Variants in CNTNAP5 observed in about 807,000 individuals in gnomAD.
The protein encoded by CNTNAP5 is contactin-associated protein-like 5.
CNTNAP5 carries 72 observed loss-of-function variants against 150.2 expected under a neutral mutation model. The ratio of observed to expected loss-of-function variants is 0.48; its 90% CI spans 0.40 to 0.58. The LOEUF (loss-of-function observed/expected upper bound fraction) is 0.58, where lower values mean the gene tolerates loss of function less well. Ranked by LOEUF, CNTNAP5 falls within the 20% of genes least tolerant of loss-of-function variation. The probability of loss-of-function intolerance (pLI) is 0.00; values close to 1 mark genes in which losing one functional copy is unlikely to be tolerated. For synonymous variants in CNTNAP5, 672 were observed against 619.8 expected, an observed-to-expected ratio of 1.08 and a Z score of -1.25; for missense variants, 1,636 against 1,626.2, an observed-to-expected ratio of 1.01 and a Z score of -0.10.
At chr2:124,223,918 C>T (rs944773580) in intron 2 of CNTNAP5, among the ~76,000 whole-genome samples, 1 of 151,340 alleles carries the variant, frequency 6.6e-6, no homozygotes, top group Admixed American at 6.6e-5. Context: ...GTGCATATTC[C>T]AAGACTCCCA....
chr2:124,276,491 A>G (rs1206068805), intron 3 of CNTNAP5, among the ~76,000 whole-genome samples: 4 of 152,190 alleles, frequency 2.6e-5, no homozygotes, highest in Non-Finnish European at 5.9e-5. Context: ...ACATGCACCT[A>G]GTAGATTTCA....
intron 1 of CNTNAP5, among the ~76,000 whole-genome samples, chr2:124,057,448 ATT>A (rs556571236): frequency 0.062 from 3,861 of 62,724 alleles, 277 homozygotes; most frequent in Middle Eastern, 0.085. Context: ...CGGCCAGCTA[ATT>A]TTTTTTTTTT....
chr2:124,878,251 C>G (rs923897871), intron 21 of CNTNAP5, among the ~76,000 whole-genome samples: 43 of 152,112 alleles, frequency 2.8e-4, no homozygotes, highest in African/African-American at 1.0e-3. Context: ...GCTTTGGAAT[C>G]AGCTCTGGGT....
chr2:124,795,456 T>C (rs72847364), intron 18 of CNTNAP5, among the ~76,000 whole-genome samples: 18,575 of 152,192 alleles, frequency 0.12, 1,323 homozygotes, highest in Non-Finnish European at 0.16. Context: ...CGCTAACACA[T>C]CAAGCCCAAG....
intron 7 of CNTNAP5, among the ~76,000 whole-genome samples, chr2:124,482,722 G>T (rs902448089): frequency 1.3e-5 from 2 of 152,136 alleles, no homozygotes; most frequent in East Asian, 3.9e-4. Flanking sequence ...GCAGAGTGTG[G>T]AATCCCACTG....
rs1431129384 is a variant in CNTNAP5, at chr2:124,148,533, ATATATACATAT to A, written c.83-73165_83-73155del. Among the ~76,000 whole-genome samples the A allele has an allele frequency of 9.4e-4, 138 of 146,928 alleles. 5 individuals are homozygous for A. The East Asian group carries it at 0.026, about 27-fold the overall frequency. On this transcript the variant is annotated intron_variant, in intron 1 of 23. Transcript: ENST00000682447. ...TATATATATAATATATACATATTATATATATACATATTATATATAATATGTATATATATAAT... is the reference window on the plus strand; with the variant it reads ...TATATATATAATATATACATATTATATATATATAATATGTATATATATAAT...
intron 6 of CNTNAP5, among the ~76,000 whole-genome samples, chr2:124,452,275 C>T (rs1693001979): frequency 1.3e-5 from 2 of 151,958 alleles, no homozygotes; most frequent in African/African-American, 4.8e-5. Flanking sequence ...GCCCGCTTTG[C>T]CCACTTCCCT....
At chr2:124,570,633 T>C (rs1013206593) in intron 11 of CNTNAP5, among the ~76,000 whole-genome samples, 2 of 152,264 alleles carry the variant, frequency 1.3e-5, no homozygotes, top group African/African-American at 2.4e-5. Flanking sequence ...GTAATGGTGA[T>C]GGTGCTTTGG....
chr2:124,223,161 A>G (rs1456543785), intron 2 of CNTNAP5, among the ~76,000 whole-genome samples: 1 of 152,150 alleles, frequency 6.6e-6, no homozygotes, highest in East Asian at 1.9e-4. Context: ...CAGAAAAACT[A>G]GTCTGGGGAA....
At chr2:124,660,021 AAGG>A (rs1481171558) in intron 13 of CNTNAP5, among the ~76,000 whole-genome samples, 1 of 100,272 alleles carries the variant, frequency 1.0e-5, no homozygotes, top group South Asian at 3.3e-4. Flanking sequence ...AAAAGGAAGA[AAGG>A]AGGAAGGAAG....
At chr2:124,846,585 C>T (rs943165456) in intron 19 of CNTNAP5, among the ~76,000 whole-genome samples, 1 of 152,004 alleles carries the variant, frequency 6.6e-6, no homozygotes, top group Non-Finnish European at 1.5e-5. Context: ...TCAGAGATTC[C>T]CTCTTGGTTT....
intron 1 of CNTNAP5, among the ~76,000 whole-genome samples, chr2:124,191,782 G>T (rs1325319487): frequency 1.3e-5 from 2 of 152,050 alleles, no homozygotes; most frequent in African/African-American, 4.8e-5. Context: ...GGGCATGGTG[G>T]CTCACGCCTG....
intron 1 of CNTNAP5, among the ~76,000 whole-genome samples, chr2:124,214,498 C>G (rs966138467): frequency 5.9e-5 from 9 of 152,218 alleles, no homozygotes; most frequent in African/African-American, 1.9e-4. Flanking sequence ...CTCTGCAAAG[C>G]CTGACAGAAA....
At position 124,290,592 on chromosome 2, in the gene CNTNAP5, A is replaced by G. The variant is rs566441839; in HGVS notation, c.381+48199A>G. On this transcript the variant is annotated intron_variant, in intron 3 of 23. Coordinates refer to ENST00000682447, the MANE Select transcript of CNTNAP5 (RefSeq NM_001367498.1). ...CCTTTGTTTAGGCAAGTCCTAGACT[A>G]ATGCTCTCACCGAACAGAATAGTTC... 3.3e-5 allele frequency among the ~76,000 whole-genome samples: 5 copies of G among 152,308 alleles called. No individual in the cohort carries two copies. The East Asian group carries it at 9.6e-4, about 29-fold the overall frequency.
intron 5 of CNTNAP5, among the ~76,000 whole-genome samples, chr2:124,440,286 A>G (rs1287758190): frequency 3.3e-5 from 5 of 152,146 alleles, no homozygotes; most frequent in African/African-American, 1.2e-4. Flanking sequence ...GTCATGAGGG[A>G]ATTCACGTGA....
chr2:124,250,770 A>C (rs991306160), intron 3 of CNTNAP5, among the ~76,000 whole-genome samples: 6 of 151,952 alleles, frequency 3.9e-5, no homozygotes, highest in Non-Finnish European at 8.8e-5. Context: ...GCCTGGCAGG[A>C]ACATCAACAA....
intron 13 of CNTNAP5, among the ~76,000 whole-genome samples, chr2:124,704,560 T>C (rs998353772): frequency 6.6e-6 from 1 of 152,228 alleles, no homozygotes; most frequent in African/African-American, 2.4e-5. Flanking sequence ...GAAGTGATTT[T>C]AAAATATCAT....
intron 1 of CNTNAP5, among the ~76,000 whole-genome samples, chr2:124,148,392 T>C (rs1211562754): frequency 6.6e-6 from 1 of 150,436 alleles, no homozygotes; most frequent in Non-Finnish European, 1.5e-5. Flanking sequence ...ACTATGGAAA[T>C]GCAGATTGTC....
intron 1 of CNTNAP5, among the ~76,000 whole-genome samples, chr2:124,114,547 A>G (rs1008601593): frequency 2.0e-5 from 3 of 151,954 alleles, no homozygotes; most frequent in African/African-American, 7.2e-5. Flanking sequence ...TGTGTATATA[A>G]TCAAACCATC....
Sources: allele counts gnomAD v4.1 joint callset (sites outside exome capture counted in the v4.1 genomes callset), GRCh38; gene constraint gnomAD v4.1.1; transcripts MANE v1.5; gene names NCBI Gene and HGNC (gene_info 2026-07-23, HGNC 2026-07-21).